Variants in TCOF1 observed in about 807,000 individuals in gnomAD.
The protein encoded by TCOF1 is treacle ribosome biogenesis factor 1, also known as treacle protein.
Under a neutral mutation model 149.0 loss-of-function variants are expected in TCOF1, and 33 were observed. The ratio of observed to expected loss-of-function variants is 0.22; its 90% CI spans 0.17 to 0.30. The LOEUF is 0.30. TCOF1 is among the 10% of genes least tolerant of loss of function. The probability of loss-of-function intolerance (pLI) is 1.00; values close to 1 mark genes in which losing one functional copy is unlikely to be tolerated. For missense variants in TCOF1, 1,728 were observed against 1,840.7 expected (o/e 0.94, Z 1.12); for synonymous variants, 789 against 738.8 (o/e 1.07, Z -1.10).
chr5:150,361,627 G>A (rs1440054796), intron 2 of TCOF1, among the ~76,000 whole-genome samples: 2 of 152,254 alleles, frequency 1.3e-5, no homozygotes, highest in African/African-American at 4.8e-5. Context: ...TTAAATTACA[G>A]TGGTAGTAAG....
At chr5:150,395,537 G>T (rs1190596136) in intron 23 of TCOF1, among the ~76,000 whole-genome samples, 1 of 143,884 alleles carries the variant, frequency 7.0e-6, no homozygotes, top group Admixed American at 7.0e-5. Flanking sequence ...GCTGTGGAAG[G>T]TTTTTTTTTT....
chr5:150,360,275 A>T (rs1759741108), intron 1 of TCOF1, among the ~76,000 whole-genome samples: 1 of 152,186 alleles, frequency 6.6e-6, no homozygotes, highest in South Asian at 2.1e-4. Context: ...AGAGTACTTG[A>T]TATCCTGGCT....
At chr5:150,373,309 G>A (rs7723755) in intron 7 of TCOF1, among the ~76,000 whole-genome samples, 1,828 of 152,190 alleles carry the variant, frequency 0.012, 38 homozygotes, top group African/African-American at 0.041. Flanking sequence ...CCAAAGTGCC[G>A]TGATTACAGA....
chr5:150,372,646 A>G lies in TCOF1; in HGVS notation c.870+410A>G, dbSNP rs1041279952. On this transcript the variant is annotated intron_variant, in intron 7 of 26. Transcript: ENST00000643257. ...AAGGCCCTGGGTGTATCCCAAGGGCAAGACAGGGGGGCTGGAAAGCAATGG... is the reference window on the plus strand; with the variant it reads ...AAGGCCCTGGGTGTATCCCAAGGGCGAGACAGGGGGGCTGGAAAGCAATGG... 4.6e-5 allele frequency among the ~76,000 whole-genome samples: 7 copies of G among 152,182 alleles called. No individual in the cohort carries two copies. In the East Asian group the frequency reaches 7.7e-4, roughly 17 times the overall value.
intron 15 of TCOF1, 75 bp from the exon 16 acceptor site, chr5:150,379,154 G>T: frequency 6.2e-7 from 1 of 1,614,076 alleles, no homozygotes; most frequent in African/African-American, 1.3e-5. Context: ...CCCACCCAGA[G>T]TTGTGCCATA....
In TCOF1 at chr5:150,357,788, C is replaced by T; in HGVS notation, c.42C>T (p.Ile14=). The part of the protein sequence containing the change: ...ARKRRELLPL[I]YHHLLRAGYV... ...AGCGGCGGGAGCTACTTCCCCTGAT[C>T]TACCACCATCTGCTGCGGGCTGGCT... is the stretch of plus-strand genomic sequence containing the variant. Residue 14 remains isoleucine (I), a synonymous_variant, in exon 1 of 27, where the codon ATC becomes ATT. Transcript: ENST00000643257. The T allele has an allele frequency of 6.5e-7, 1 of 1,549,790 alleles. No homozygotes were observed. Among genetic ancestry groups the T allele is most frequent in the Middle Eastern group, 1.7e-4 (1 of 5,908 alleles).
rs775085145 is a variant in TCOF1, at chr5:150,375,782, C to G, written c.1766C>G (p.Pro589Arg). 1.2e-6 allele frequency: 2 copies of G among 1,614,268 alleles called. No homozygotes were observed. The highest frequency in any genetic ancestry group is 1.1e-5 in the South Asian group (1 of 91,092). Residue 589 changes from proline (P) to arginine (R), a missense_variant, in exon 12 of 27, where the codon CCT becomes CGT. By Grantham distance (103) the Pro-to-Arg change is moderately radical. Around this residue, in one of 2 missense-constraint regions of TCOF1, gnomAD observed 1,696 missense variants for 1,765.4 expected, o/e 0.96. Coordinates refer to ENST00000643257, the MANE Select transcript of TCOF1 (RefSeq NM_001371623.1). ...KPTSSPAKGP[P>R]QKAGPVAVQV... Reference sequence around the variant, plus strand: ...ACCTCCAGTCCTGCCAAGGGGCCCCCTCAGAAGGCAGGGCCTGTAGCCGTC... The same window carrying G: ...ACCTCCAGTCCTGCCAAGGGGCCCCGTCAGAAGGCAGGGCCTGTAGCCGTC...
intron 17 of TCOF1, 50 bp downstream of exon 17, chr5:150,379,782 G>A: frequency 3.1e-6 from 5 of 1,596,236 alleles, no homozygotes. Context: ...CTCAGAACGG[G>A]GGTATAGGGC....
In TCOF1 at chr5:150,379,617, C is replaced by T; in HGVS notation, c.2744C>T (p.Pro915Leu). ...CCCAGGAAAGGGGCTGCCCCAACAC[C>T]TCCTGGGAAGACAGGGCCTTCGGCT... ...ESPRKGAAPTPPGKTGPSAAQ... is the reference protein window; with the variant it reads ...ESPRKGAAPTLPGKTGPSAAQ... The change falls in exon 17 of 27, where the codon CCT becomes CTT. Residue 915 changes from proline to leucine, a missense_variant. Coordinates refer to ENST00000643257, the MANE Select transcript of TCOF1 (RefSeq NM_001371623.1). 1.2e-6 allele frequency: 2 copies of T among 1,614,028 alleles called. No individual in the cohort carries two copies. The highest frequency in any genetic ancestry group is 1.7e-6 in the Non-Finnish European group (2 of 1,179,994).
At chr5:150,368,665 C>T (rs191311930) in intron 4 of TCOF1, 51 bp from the exon 5 acceptor site, 3 of 1,607,968 alleles carry the variant, frequency 1.9e-6, no homozygotes, top group Admixed American at 1.7e-5. Flanking sequence ...GGCCTGTGCT[C>T]TTAGTTCACC....
At chr5:150,388,207 G>A (rs1441771365) in intron 18 of TCOF1, 119 bp downstream of exon 18, 7 of 1,379,586 alleles carry the variant, frequency 5.1e-6, no homozygotes, top group Non-Finnish European at 7.0e-6. Context: ...GAGGGGCTTG[G>A]GGTCAGGTCT....
intron 2 of TCOF1, 63 bp from the exon 3 acceptor site, chr5:150,364,050 A>T: frequency 6.2e-7 from 1 of 1,611,926 alleles, no homozygotes; most frequent in East Asian, 2.2e-5. Flanking sequence ...AGGTCTGTCT[A>T]GTCAATTCTT....
At chr5:150,370,216 C>T (rs536140218) in intron 6 of TCOF1, among the ~76,000 whole-genome samples, 1 of 152,312 alleles carries the variant, frequency 6.6e-6, no homozygotes, top group African/African-American at 2.4e-5. Flanking sequence ...GAGCGTCCCT[C>T]AGATATTTAA....
intron 4 of TCOF1, 98 bp from the exon 5 acceptor site, chr5:150,368,618 C>G (rs890266469): frequency 7.0e-7 from 1 of 1,431,074 alleles, no homozygotes; most frequent in Non-Finnish European, 9.8e-7. Context: ...CAAACTCACA[C>G]AGCTAAGAAG....
intron 3 of TCOF1, chr5:150,365,048 A>G (rs1761021909): frequency 6.6e-6 from 1 of 151,902 alleles, no homozygotes; most frequent in Non-Finnish European, 1.5e-5. Context: ...AGTGTTTGAG[A>G]TCATACTAGG....
At chr5:150,381,673 T>G (rs75799076) in intron 17 of TCOF1, among the ~76,000 whole-genome samples, 8,930 of 152,332 alleles carry the variant, frequency 0.059, 351 homozygotes, top group East Asian at 0.11. Flanking sequence ...GTAGTTTTTT[T>G]GTTTTTAAGT....
chr5:150,398,344 C>T lies in TCOF1; in HGVS notation c.4346-10C>T. The T allele has an allele frequency of 6.2e-7, 1 of 1,613,390 alleles. No homozygotes were observed. The highest frequency in any genetic ancestry group is 8.5e-7 in the Non-Finnish European group (1 of 1,179,902). ...TCTGTTGTTCAGGAACTTTACTTTA[C>T]TTCCCTTAGGAAAAAAAGACAAAGA... On this transcript the variant is annotated splice_polypyrimidine_tract_variant and intron_variant, in intron 24 of 26. Transcript: ENST00000643257.
At chr5:150,389,666 C>T (rs1295308809) in intron 18 of TCOF1, among the ~76,000 whole-genome samples, 6 of 152,194 alleles carry the variant, frequency 3.9e-5, no homozygotes, top group South Asian at 2.1e-4. Context: ...CCTGGGGTCA[C>T]CCCCAGAGCA....
chr5:150,387,213 CCT>C (rs750390335), intron 17 of TCOF1, among the ~76,000 whole-genome samples: 3 of 152,238 alleles, frequency 2.0e-5, no homozygotes, highest in Non-Finnish European at 4.4e-5. Flanking sequence ...TCCCTATTTC[CCT>C]GATTGTCTCA....
Sources: allele counts gnomAD v4.1 joint callset (sites outside exome capture counted in the v4.1 genomes callset), GRCh38; gene constraint gnomAD v4.1.1; regional missense constraint gnomAD v4.1.1; transcripts MANE v1.5; gene names NCBI Gene and HGNC (gene_info 2026-07-23, HGNC 2026-07-21).